The following KMT2B variants were observed in gnomAD, a reference collection of about 807,000 sequenced individuals.
The protein encoded by KMT2B is lysine methyltransferase 2B, also known as histone-lysine N-methyltransferase 2B.
In KMT2B, 22 loss-of-function variants were observed where a neutral mutation model predicts 255.3. The observed-to-expected ratio is 0.09, with a 90% CI of 0.06 to 0.12. KMT2B has a LOEUF of 0.12. Among genes scored for constraint, KMT2B ranks in the 10% least tolerant of loss-of-function variants. The pLI, the probability that KMT2B is intolerant of heterozygous loss-of-function variation, is 1.00. For synonymous variants in KMT2B, 1,730 were observed against 1,498.1 expected, an observed-to-expected ratio of 1.15 and a Z score of -3.57; for missense variants, 3,149 against 3,737.0, an observed-to-expected ratio of 0.84 and a Z score of 4.10.
Position 35,726,345 on chromosome 19 carries a change from A to G in KMT2B, c.3995A>G (p.Tyr1332Cys), listed in dbSNP as rs942458270. ...CTCTGCCCCAGGTGCACCCAGCTATATGAGAAAGGTGGGGACCGGGCAGGG... is the reference window on the plus strand; with the variant it reads ...CTCTGCCCCAGGTGCACCCAGCTATGTGAGAAAGGTGGGGACCGGGCAGGG... Reference protein sequence around the residue: ...YSLCPRCTQLYEKGNYCPICT... With the variant: ...YSLCPRCTQLCEKGNYCPICT... The change falls in exon 14 of 37, where the codon TAT becomes TGT. Residue 1332 changes from tyrosine (Y) to cysteine (C), a missense_variant. Transcript: ENST00000420124. The G allele has an allele frequency of 1.2e-6, 2 of 1,608,984 alleles. No individual in the cohort carries two copies. The highest frequency in any genetic ancestry group is 1.7e-6 in the Non-Finnish European group (2 of 1,175,462).
Position 35,718,478 on chromosome 19 carries a change from C to T in KMT2B, c.363+97C>T, listed in dbSNP as rs142486421. The T allele has an allele frequency of 0.01, 11,842 of 1,175,560 alleles. 110 individuals carry two copies. The highest frequency in any genetic ancestry group is 0.06 in the South Asian group (1,405 of 23,414). The allele number at this position is 1,175,560 out of a possible 1,614,324, so 72.8% of individuals were successfully genotyped here. A position where few individuals can be genotyped will look rare whatever the true frequency, so the allele number is the denominator to read the frequency against. ...CGGGGGCGGCGTGGGCAGGCCGGGT[C>T]CTCAGGGTTCCTTCGGAGAGACGGG... is the stretch of plus-strand genomic sequence containing the variant. On this transcript the variant is annotated intron_variant, in intron 1 of 36. Transcript: ENST00000420124. The surrounding 1 kb of genome is among the most constrained non-coding windows in gnomAD (Gnocchi z 5.0).
In KMT2B at chr19:35,737,464, A is replaced by G. The variant is rs901141622; in HGVS notation, c.7551-172A>G. 18 of 760,604 alleles carry G rather than the reference A, an allele frequency of 2.4e-5. No individual in the cohort carries two copies. Among genetic ancestry groups the G allele is most frequent in the Non-Finnish European group, 3.7e-5 (18 of 486,028 alleles). The allele number at this position is 760,604 out of a possible 1,614,324, so 47.1% of individuals were successfully genotyped here. A position where few individuals can be genotyped will look rare whatever the true frequency, so the allele number is the denominator to read the frequency against. On this transcript the variant is annotated intron_variant, in intron 33 of 36. Transcript: ENST00000420124. The surrounding 1 kb of genome is among the most constrained non-coding windows in gnomAD (Gnocchi z 5.3). ...TGGGAGGCCGAGGCAGGAGGATCGC[A>G]TGAGCCCAGGAGTTGGAGACCAGCG... is the stretch of plus-strand genomic sequence containing the variant.
Position 35,727,907 on chromosome 19 carries a change from C to T in KMT2B, c.4419C>T (p.Gly1473=). 6.2e-7 allele frequency: 1 copy of T among 1,602,640 alleles called. No individual in the cohort carries two copies. Among genetic ancestry groups the T allele is most frequent in the Non-Finnish European group, 8.5e-7 (1 of 1,172,622 alleles). Residue 1473 remains glycine (G), a synonymous_variant, in exon 18 of 37, where the codon GGC becomes GGT. Transcript: ENST00000420124. This position sits in a 1 kb window ranked among gnomAD's most constrained non-coding sequence, Gnocchi z 4.2. ...SVHSFMEDMV[G]ILMRHSEEGE... ...ACAGCTTCATGGAGGACATGGTGGG[C>T]ATCCTCATGCGGCACTCGGAGGAGG...
In KMT2B at chr19:35,730,776, G is replaced by A. The variant is rs373471128; in HGVS notation, c.5346G>A (p.Glu1782=). ...RRCWYRCRIL[E]YRPWGPREEP... is the part of the protein sequence containing the mutation. The stretch of plus-strand genomic sequence containing the variant: ...GCTGGTATCGGTGCCGAATTCTGGA[G>A]TATCGGCCATGGGGGCCGAGGGAAG... The change falls in exon 26 of 37, where the codon GAG becomes GAA. Residue 1782 remains glutamate (E), a synonymous_variant. Coordinates refer to ENST00000420124, the MANE Select transcript of KMT2B (RefSeq NM_014727.3). 5 of 1,613,868 alleles carry A rather than the reference G, an allele frequency of 3.1e-6. No individual in the cohort carries two copies. Among genetic ancestry groups the A allele is most frequent in the Non-Finnish European group, 4.2e-6 (5 of 1,179,886 alleles).
At position 35,724,021 on chromosome 19, in the gene KMT2B, A is replaced by G. The variant is rs766733994; in HGVS notation, c.3334+14A>G. On this transcript the variant is annotated intron_variant, in intron 8 of 36. Coordinates refer to ENST00000420124, the MANE Select transcript of KMT2B (RefSeq NM_014727.3). ...CCCGAGAAAATGGTGCGAACTGCTT[A>G]ATGCTTTCTCTGTTGATCATTTATT... 2.6e-6 allele frequency: 4 copies of G among 1,564,064 alleles called. No individual in the cohort carries two copies. The highest frequency in any genetic ancestry group is 1.9e-5 in the Admixed American group (1 of 51,944).
At chr19:35,724,852 C>A in intron 9 of KMT2B, 121 bp downstream of exon 9, 1 of 1,121,578 alleles carries the variant, frequency 8.9e-7, no homozygotes, top group Non-Finnish European at 1.3e-6. Flanking sequence ...AGGGATGAGG[C>A]GGGCCTTGCC....
chr19:35,718,047 G>C lies in KMT2B; in HGVS notation c.29G>C (p.Cys10Ser), dbSNP rs1373187915. The change falls in exon 1 of 37, where the codon TGC (cysteine) becomes TCC (serine). Residue 10 changes from cysteine (C) to serine (S), a missense_variant. This residue lies in a region of KMT2B where 15 missense variants were observed against 16.8 expected (regional missense o/e 0.89). Coordinates refer to ENST00000420124, the MANE Select transcript of KMT2B (RefSeq NM_014727.3). This position sits in a 1 kb window ranked among gnomAD's most constrained non-coding sequence, Gnocchi z 5.0. Reference sequence around the variant, plus strand: ...GCGGCGGCGGCGGGCGGCGGCAGTTGCCCCGGGCCTGGCTCCGCGCGGGGC... The same window carrying C: ...GCGGCGGCGGCGGGCGGCGGCAGTTCCCCCGGGCCTGGCTCCGCGCGGGGC... MAAAAGGGS[C>S]PGPGSARGRF... 1 of 986,056 alleles carries C rather than the reference G, an allele frequency of 1.0e-6. No individual in the cohort carries two copies. The allele number at this position is 986,056 out of a possible 1,614,324, so 61.1% of individuals were successfully genotyped here.
At chr19:35,735,187 C>G (rs1303344976) in intron 30 of KMT2B, 1 of 152,290 alleles carries the variant, frequency 6.6e-6, no homozygotes, top group Non-Finnish European at 1.5e-5. Context: ...AGACGGGAGT[C>G]ACACGGCAGG....
Position 35,733,231 on chromosome 19 carries a change from G to A in KMT2B, c.6682G>A (p.Ala2228Thr), listed in dbSNP as rs2146470452. Residue 2228 changes from alanine (A) to threonine (T), a missense_variant, in exon 28 of 37, where the codon GCT becomes ACT. Physicochemically the swap from Ala to Thr is moderately conservative, Grantham distance 58. Around this residue, in one of 18 missense-constraint regions of KMT2B, gnomAD observed 897 missense variants for 825.3 expected, o/e 1.09. Coordinates refer to ENST00000420124, the MANE Select transcript of KMT2B (RefSeq NM_014727.3). This position sits in a 1 kb window ranked among gnomAD's most constrained non-coding sequence, Gnocchi z 4.3. ...TTTGCCCCCCACCATTTCCCCCACGGCTCCCACCTCCTGGACTCTGCCCCC... is the reference window on the plus strand; with the variant it reads ...TTTGCCCCCCACCATTTCCCCCACGACTCCCACCTCCTGGACTCTGCCCCC... ...PPLPPTISPT[A>T]PTSWTLPPGP... 6.7e-7 allele frequency: 1 copy of A among 1,483,840 alleles called. No homozygotes were observed. The highest frequency in any genetic ancestry group is 9.1e-7 in the Non-Finnish European group (1 of 1,093,620). 91.9% of individuals were successfully genotyped at this position (1,483,840 alleles called of 1,614,324 possible). A position where few individuals can be genotyped will look rare whatever the true frequency, so the allele number is the denominator to read the frequency against.
rs1262787586 is a variant in KMT2B at position 35,738,855 on chromosome 19, C to T, written c.*298C>T. On this transcript the variant is annotated 3_prime_UTR_variant, in exon 37 of 37. Coordinates refer to ENST00000420124, the MANE Select transcript of KMT2B (RefSeq NM_014727.3). The surrounding 1 kb of genome is among the most constrained non-coding windows in gnomAD (Gnocchi z 8.7). ...GGGGTCCCAGGTGGGAACCCCCCCA[C>T]AATAAAGTCTGTCAATGTTTGGAGA... 3 of 486,938 alleles carry T rather than the reference C, an allele frequency of 6.2e-6. No homozygotes were observed. Among genetic ancestry groups the T allele is most frequent in the Admixed American group, 7.7e-5 (2 of 25,910 alleles). 30.2% of individuals were successfully genotyped at this position (486,938 alleles called of 1,614,324 possible).
intron 23 of KMT2B, 80 bp from the exon 24 acceptor site, chr19:35,730,262 A>G: frequency 6.3e-7 from 1 of 1,599,670 alleles, no homozygotes; most frequent in Non-Finnish European, 8.5e-7. Context: ...CTTTAGGCCA[A>G]GCCCCTGACT....
In KMT2B at chr19:35,721,310, A is replaced by G. The variant is rs1969197364; in HGVS notation, c.1963A>G (p.Ser655Gly). 11 of 1,542,520 alleles carry G rather than the reference A, an allele frequency of 7.1e-6. No individual in the cohort carries two copies. The South Asian group carries it at 7.1e-5, about 10-fold the overall frequency. The change falls in exon 3 of 37, where the codon AGC (serine) becomes GGC (glycine). Residue 655 changes from serine (S) to glycine (G), a missense_variant. Physicochemically the swap from Ser to Gly is moderately conservative, Grantham distance 56 (BLOSUM62 0). Coordinates refer to ENST00000420124, the MANE Select transcript of KMT2B (RefSeq NM_014727.3). ...CCTTCGGGCCCCTCAGTTTACCCCA[A>G]GCGAAGCCCACCTGAAGATCTACGA... ...LLLRAPQFTP[S>G]EAHLKIYESV... is the part of the protein sequence containing the mutation.
rs1462118687 is a variant in KMT2B at position 35,733,682 on chromosome 19, C to T, written c.7045C>T (p.Pro2349Ser). 9.4e-6 allele frequency: 15 copies of T among 1,603,090 alleles called. No homozygotes were observed. The highest frequency in any genetic ancestry group is 1.3e-5 in the Non-Finnish European group (15 of 1,175,250). ...RPGEPAGEES[P>S]GPLQERSPLL... The stretch of plus-strand genomic sequence containing the variant: ...TGGGGAGCCCGCTGGGGAAGAAAGT[C>T]CTGGGTGAGTGGCCAGGCCCCTCTC... The change falls in exon 29 of 37, where the codon CCT becomes TCT. Residue 2349 changes from proline to serine, a missense_variant. Coordinates refer to ENST00000420124, the MANE Select transcript of KMT2B (RefSeq NM_014727.3). The surrounding 1 kb of genome is among the most constrained non-coding windows in gnomAD (Gnocchi z 4.3).
At chr19:35,731,708 T>C (rs2146465474) in intron 26 of KMT2B, among the ~76,000 whole-genome samples, 200 bp from the exon 27 acceptor site, 1 of 152,256 alleles carries the variant, frequency 6.6e-6, no homozygotes, top group East Asian at 1.9e-4. Flanking sequence ...GGAGAGGCCC[T>C]GAAGGCCCCC....
chr19:35,724,211 C>T (rs1295684287), intron 8 of KMT2B, among the ~76,000 whole-genome samples: 2 of 152,140 alleles, frequency 1.3e-5, no homozygotes, highest in African/African-American at 4.8e-5. Flanking sequence ...ACTTAAGGGT[C>T]ATCCTAGGCC....
intron 26 of KMT2B, 66 bp from the exon 27 acceptor site, chr19:35,731,842 G>A: frequency 8.2e-7 from 1 of 1,225,290 alleles, no homozygotes; most frequent in Non-Finnish European, 1.2e-6. Flanking sequence ...GGCTCAGGAT[G>A]AGAGCATGTG....
At position 35,721,549 on chromosome 19, in the gene KMT2B, G is replaced by C. The variant is rs753168888; in HGVS notation, c.2202G>C (p.Gln734His). 2 of 1,611,688 alleles carry C rather than the reference G, an allele frequency of 1.2e-6. No homozygotes were observed. The highest frequency in any genetic ancestry group is 1.1e-5 in the South Asian group (1 of 91,084). The change falls in exon 3 of 37, where the codon CAG (glutamine) becomes CAC (histidine). Residue 734 changes from glutamine to histidine, a missense_variant. This residue lies in a region of KMT2B where 1,188 missense variants were observed against 1,106.4 expected (regional missense o/e 1.07). Transcript: ENST00000420124. Reference protein sequence around the residue: ...APALSNGPQTQAQLLQPLQAL... With the variant: ...APALSNGPQTHAQLLQPLQAL... ...CTCTGAGCAACGGGCCACAGACACA[G>C]GCTCAGCTACTGCAGCCCCTGCAGG...
In KMT2B at chr19:35,731,812, G is replaced by A. The variant is rs561632407; in HGVS notation, c.5438-96G>A. 30 of 944,396 alleles carry A rather than the reference G, an allele frequency of 3.2e-5. No individual in the cohort carries two copies. The East Asian group carries it at 3.4e-4, about 11-fold the overall frequency. The allele number at this position is 944,396 out of a possible 1,614,324, so 58.5% of individuals were successfully genotyped here. A position where few individuals can be genotyped will look rare whatever the true frequency, so the allele number is the denominator to read the frequency against. On this transcript the variant is annotated intron_variant, in intron 26 of 36. Transcript: ENST00000420124. ...GGCCTGTTGTGACTGGGTCAGGGTC[G>A]GGGACCTGGGAGGCATAGTGGCTCA...
At chr19:35,724,860 G>C in intron 9 of KMT2B, 129 bp downstream of exon 9, 1 of 1,072,940 alleles carries the variant, frequency 9.3e-7, no homozygotes, top group Non-Finnish European at 1.4e-6. Context: ...GGCGGGCCTT[G>C]CCTGTCTGGA....
Sources: gnomAD v4.1 joint callset for allele counts (sites outside exome capture counted in the v4.1 genomes callset) on GRCh38, gnomAD v4.1.1 for gene constraint, gnomAD v4.1.1 regional missense constraint, Gnocchi (gnomAD v3.1) non-coding constraint, MANE v1.5 for transcripts, NCBI Gene and HGNC (gene_info 2026-07-23, HGNC 2026-07-21) for gene names.